Variants in GMDS observed in about 807,000 individuals in gnomAD.
GMDS encodes the protein GDP-mannose 4,6-dehydratase.
In GMDS, 20 loss-of-function variants were observed where a neutral mutation model predicts 49.9. The ratio of observed to expected loss-of-function variants is 0.40; its 90% confidence interval spans 0.28 to 0.58. The LOEUF is 0.58. Among genes scored for constraint, GMDS ranks in the 20% least tolerant of loss-of-function variants. The pLI is 0.42. For missense variants in GMDS, 362 were observed against 481.4 expected (o/e 0.75, Z 2.32); for synonymous variants, 177 against 178.6 (o/e 0.99, Z 0.07).
At chr6:2,215,327 A>G (rs1334899483) in intron 1 of GMDS, among the ~76,000 whole-genome samples, 1 of 152,194 alleles carries the variant, frequency 6.6e-6, no homozygotes, top group Non-Finnish European at 1.5e-5. Flanking sequence ...TTATGAAGAA[A>G]AAGAGGTTTA....
At chr6:2,059,254 G>C (rs1388565146) in intron 4 of GMDS, among the ~76,000 whole-genome samples, 3 of 139,268 alleles carry the variant, frequency 2.2e-5, no homozygotes, top group African/African-American at 8.0e-5. Flanking sequence ...GTGTATATTT[G>C]AAAATATGTA....
chr6:2,041,160 T>C lies in GMDS; in HGVS notation c.345+74611A>G, dbSNP rs547087524. Among the ~76,000 whole-genome samples, 4 of 152,276 alleles carry C rather than the reference T, an allele frequency of 2.6e-5. No individual in the cohort carries two copies. In the East Asian group the frequency reaches 7.7e-4, roughly 29 times the overall value. The stretch of plus-strand genomic sequence containing the variant: ...AAAGGATATTACATCCATGTACAAA[T>C]GCATGTAAATATGTATACAAAAATG... On this transcript the variant is annotated intron_variant, in intron 4 of 10. Coordinates refer to ENST00000380815, the MANE Select transcript of GMDS (RefSeq NM_001500.4).
intron 7 of GMDS, among the ~76,000 whole-genome samples, chr6:1,783,137 AGAGT>A (rs372649763): frequency 2.6e-5 from 4 of 152,364 alleles, no homozygotes; most frequent in African/African-American, 9.6e-5. Flanking sequence ...CCTGGGCAAC[AGAGT>A]GAGACCTTGC....
chr6:2,179,928 C>G (rs1778445335), intron 1 of GMDS, among the ~76,000 whole-genome samples: 1 of 151,844 alleles, frequency 6.6e-6, no homozygotes, highest in Non-Finnish European at 1.5e-5. Context: ...AGAAATGAAA[C>G]TTAAGGTGAT....
chr6:1,793,776 C>T (rs1769634673), intron 7 of GMDS, among the ~76,000 whole-genome samples: 1 of 152,148 alleles, frequency 6.6e-6, no homozygotes, highest in Admixed American at 6.5e-5. Flanking sequence ...CCTGGAGAAA[C>T]ACAAATTCCC....
intron 4 of GMDS, among the ~76,000 whole-genome samples, chr6:2,104,242 A>ATACCTTAAAAGAT (rs1448064088): frequency 2.6e-5 from 4 of 152,252 alleles, no homozygotes; most frequent in Non-Finnish European, 5.9e-5. Flanking sequence ...AGTGGATGAC[A>ATACCTTAAAAGAT]TACCTTAAAA....
At chr6:1,975,654 A>G (rs1023157757) in intron 4 of GMDS, among the ~76,000 whole-genome samples, 1 of 152,236 alleles carries the variant, frequency 6.6e-6, no homozygotes, top group Admixed American at 6.5e-5. Context: ...AGAAAGTCAC[A>G]TTAGGAATAG....
At chr6:1,891,053 T>C (rs1291050165) in intron 7 of GMDS, among the ~76,000 whole-genome samples, 1 of 152,234 alleles carries the variant, frequency 6.6e-6, no homozygotes, top group Non-Finnish European at 1.5e-5. Context: ...CTTATTTTCT[T>C]TCACAAAGCC....
intron 7 of GMDS, among the ~76,000 whole-genome samples, chr6:1,901,143 C>T (rs1325533542): frequency 6.6e-6 from 1 of 152,226 alleles, no homozygotes; most frequent in Non-Finnish European, 1.5e-5. Context: ...CTCCCTGGTT[C>T]CGTGGCTCCC....
At chr6:1,631,552 G>A (rs149973425) in intron 9 of GMDS, among the ~76,000 whole-genome samples, 6 of 152,248 alleles carry the variant, frequency 3.9e-5, no homozygotes, top group Non-Finnish European at 7.4e-5. Context: ...GTACAATGTA[G>A]ATGGGGTTTT....
intron 4 of GMDS, among the ~76,000 whole-genome samples, chr6:1,986,513 A>G (rs1186252218): frequency 6.6e-6 from 1 of 152,194 alleles, no homozygotes; most frequent in African/African-American, 2.4e-5. Flanking sequence ...ATACCTAAGA[A>G]AGTTGTCTTA....
At chr6:1,765,678 C>A (rs1768322361) in intron 7 of GMDS, among the ~76,000 whole-genome samples, 1 of 152,050 alleles carries the variant, frequency 6.6e-6, no homozygotes, top group African/African-American at 2.4e-5. Context: ...GGTCCCTGGG[C>A]CAGTTTTCCA....
chr6:1,980,690 G>C (rs947441997), intron 4 of GMDS, among the ~76,000 whole-genome samples: 11 of 152,132 alleles, frequency 7.2e-5, no homozygotes, highest in African/African-American at 2.4e-4. Context: ...CTCAGCTCTG[G>C]ATCAAGAGGA....
intron 9 of GMDS, among the ~76,000 whole-genome samples, chr6:1,672,433 A>G (rs1026408001): frequency 1.4e-4 from 22 of 152,252 alleles, no homozygotes; most frequent in Admixed American, 1.2e-3. Context: ...CAGTTCCTGC[A>G]GGAGAGTGAT....
intron 7 of GMDS, among the ~76,000 whole-genome samples, chr6:1,765,703 T>C (rs1768323921): frequency 6.6e-6 from 1 of 152,044 alleles, no homozygotes; most frequent in Non-Finnish European, 1.5e-5. Flanking sequence ...ATCTACCCCG[T>C]CTAAATGAAA....
chr6:2,054,603 C>T (rs1770673576), intron 4 of GMDS, among the ~76,000 whole-genome samples: 1 of 152,006 alleles, frequency 6.6e-6, no homozygotes, highest in South Asian at 2.1e-4. Flanking sequence ...CTAGAGAAGA[C>T]GATGCATAAA....
chr6:2,061,568 A>C (rs920076929), intron 4 of GMDS, among the ~76,000 whole-genome samples: 9 of 151,942 alleles, frequency 5.9e-5, no homozygotes, highest in Admixed American at 2.6e-4. Context: ...AATACAAAAA[A>C]ACTAGCCGGG....
intron 9 of GMDS, among the ~76,000 whole-genome samples, chr6:1,684,653 C>T (rs377441850): frequency 1.1e-3 from 164 of 152,026 alleles, no homozygotes; most frequent in African/African-American, 3.6e-3. Flanking sequence ...AGAAAAGGGG[C>T]GGTGTTGGGG....
chr6:1,780,703 C>A (rs997423225), intron 7 of GMDS, among the ~76,000 whole-genome samples: 2 of 152,228 alleles, frequency 1.3e-5, no homozygotes, highest in African/African-American at 4.8e-5. Context: ...CACGCAACGG[C>A]TCACTGCCAC....
Sources: allele counts gnomAD v4.1 joint callset (sites outside exome capture counted in the v4.1 genomes callset), GRCh38; gene constraint gnomAD v4.1.1; transcripts MANE v1.5; gene names NCBI Gene and HGNC (gene_info 2026-07-23, HGNC 2026-07-21).